CD244: variants seen among roughly 807,000 people sequenced by gnomAD.
CD244 encodes the protein natural killer cell receptor 2B4.
In CD244, 20 loss-of-function variants were observed where a neutral mutation model predicts 45.5. The ratio of observed to expected loss-of-function variants is 0.44; its 90% CI spans 0.31 to 0.64. The LOEUF (loss-of-function observed/expected upper bound fraction) is 0.64, where lower values mean the gene tolerates loss of function less well. Ranked by LOEUF, CD244 falls within the 30% of genes least tolerant of loss-of-function variation. CD244 has a pLI of 0.08. For missense variants in CD244, 407 were observed against 426.9 expected, an observed-to-expected ratio of 0.95 and a Z score of 0.41; for synonymous variants, 185 against 160.5, an observed-to-expected ratio of 1.15 and a Z score of -1.15.
intron 1 of CD244, chr1:160,848,450 A>G (rs1189912764): frequency 1.8e-6 from 1 of 548,754 alleles, no homozygotes; most frequent in South Asian, 1.4e-5. Context: ...CTTTGGGTCC[A>G]GGAATGGCAA....
At chr1:160,849,379 C>CACCT (rs1669844529) in intron 1 of CD244, among the ~76,000 whole-genome samples, 1 of 149,478 alleles carries the variant, frequency 6.7e-6, no homozygotes, top group Non-Finnish European at 1.5e-5. Context: ...TGGTTTGCTG[C>CACCT]ACCTATCAAC....
At position 160,836,153 on chromosome 1, in the gene CD244, C is replaced by T. The variant is rs753178399; in HGVS notation, c.894+42G>A. The T allele has an allele frequency of 8.7e-6, 13 of 1,488,950 alleles. No homozygotes were observed. The South Asian group carries it at 1.5e-4, about 17-fold the overall frequency. The allele number at this position is 1,488,950 out of a possible 1,614,324, so 92.2% of individuals were successfully genotyped here. On this transcript the variant is annotated intron_variant, in intron 6 of 8. Coordinates refer to ENST00000368034, the MANE Select transcript of CD244 (RefSeq NM_016382.4). The stretch of plus-strand genomic sequence containing the variant: ...GTTTCAGGGGGGCATTAGGAAACCC[C>T]AGAGATAGGTATGGAATGGACTAGA...
At chr1:160,834,730 G>T (rs974722782) in intron 6 of CD244, among the ~76,000 whole-genome samples, 1 of 152,176 alleles carries the variant, frequency 6.6e-6, no homozygotes, top group African/African-American at 2.4e-5. Context: ...GCTCCAAAAG[G>T]ATAAATAGCC....
In CD244 at chr1:160,841,228, A is replaced by G; in HGVS notation, c.637T>C (p.Cys213Arg). The change falls in exon 3 of 9, where the codon TGT becomes CGT. Residue 213 changes from cysteine (C) to arginine (R), a missense_variant. Cys to Arg is a radical substitution (Grantham distance 180). Coordinates refer to ENST00000368034, the MANE Select transcript of CD244 (RefSeq NM_016382.4). ...CACTTACCCTGATGGGCATTCTGAC[A>G]GTCCTGAGTGAGATTCAGGGTGTGG... ...ESHTLNLTQD[C>R]QNAHQEFRFW... 1.2e-6 allele frequency: 2 copies of G among 1,614,196 alleles called. No homozygotes were observed. The highest frequency in any genetic ancestry group is 2.7e-5 in the African/African-American group (2 of 75,056).
At chr1:160,851,744 T>C (rs1669927197) in intron 1 of CD244, among the ~76,000 whole-genome samples, 1 of 152,226 alleles carries the variant, frequency 6.6e-6, no homozygotes, top group African/African-American at 2.4e-5. Flanking sequence ...AGTTTCACCA[T>C]GTTGCCAAGG....
At chr1:160,839,494 GA>G (rs959081485) in intron 3 of CD244, among the ~76,000 whole-genome samples, 6 of 152,212 alleles carry the variant, frequency 3.9e-5, no homozygotes, top group African/African-American at 1.2e-4. Context: ...AATATTCAGG[GA>G]AAAAAAATGC....
chr1:160,838,598 C>T (rs372534026), intron 4 of CD244, 80 bp from the exon 5 acceptor site: 61 of 960,232 alleles, frequency 6.4e-5, no homozygotes, highest in East Asian at 5.2e-4. Flanking sequence ...CCACCTCTAC[C>T]CCAAATGGCC....
intron 1 of CD244, among the ~76,000 whole-genome samples, chr1:160,848,692 C>G (rs765442859): frequency 6.6e-6 from 1 of 152,116 alleles, no homozygotes; most frequent in East Asian, 1.9e-4. Flanking sequence ...GTTGGTCATG[C>G]CTATGAAGTG....
rs567630496 is a variant in CD244 at position 160,841,179 on chromosome 1, C to A, written c.655+31G>T. 1.9e-6 allele frequency: 3 copies of A among 1,609,378 alleles called. No individual in the cohort carries two copies. The East Asian group carries it at 6.7e-5, about 36-fold the overall frequency. On this transcript the variant is annotated intron_variant, in intron 3 of 8. Transcript: ENST00000368034. ...CTGGTTGCGGGGTCCAAACCTTCAG[C>A]GCTTGTTATAGCCCAGTGTGTTCCA...
rs1322990130 is a variant in CD244, at chr1:160,841,365, C to T, written c.500G>A (p.Gly167Glu). The T allele has an allele frequency of 1.9e-6, 3 of 1,614,044 alleles. No homozygotes were observed. The African/African-American group carries it at 4.0e-5, about 22-fold the overall frequency. ...DGNVSYAWYR[G>E]SKLIQTAGNL... is the part of the protein sequence containing the mutation. Reference sequence around the variant, plus strand: ...CCCTGCTGTCTGGATCAGCTTGCTCCCTCTGTACCAAGCATAGGACACATT... The same window carrying T: ...CCCTGCTGTCTGGATCAGCTTGCTCTCTCTGTACCAAGCATAGGACACATT... Residue 167 changes from glycine to glutamate, a missense_variant, in exon 3 of 9, where the codon GGG becomes GAG. Coordinates refer to ENST00000368034, the MANE Select transcript of CD244 (RefSeq NM_016382.4).
Position 160,841,723 on chromosome 1 carries a change from A to G in CD244, c.240T>C (p.Asn80=), listed in dbSNP as rs1239332685. ...TCTTGACTATAAAACTGAATCTATC[A>G]TTGGAAGTATTGGAAGGCAAAGAGC... The part of the protein sequence containing the change: ...ENGSLPSNTS[N]DRFSFIVKNL... The change falls in exon 2 of 9, where the codon AAT becomes AAC. Residue 80 remains asparagine, a synonymous_variant. Coordinates refer to ENST00000368034, the MANE Select transcript of CD244 (RefSeq NM_016382.4). The G allele has an allele frequency of 6.2e-7, 1 of 1,614,126 alleles. No homozygotes were observed. The highest frequency in any genetic ancestry group is 8.5e-7 in the Non-Finnish European group (1 of 1,180,038).
chr1:160,844,854 A>G (rs549947071), intron 1 of CD244, among the ~76,000 whole-genome samples: 1 of 152,304 alleles, frequency 6.6e-6, no homozygotes, highest in South Asian at 2.1e-4. Flanking sequence ...ACACACTTGT[A>G]ACCCCAGCTA....
chr1:160,839,632 A>C (rs1669462849), intron 3 of CD244, among the ~76,000 whole-genome samples: 1 of 152,222 alleles, frequency 6.6e-6, no homozygotes, highest in South Asian at 2.1e-4. Flanking sequence ...GACTTAAGTA[A>C]GGTATACAGA....
intron 1 of CD244, among the ~76,000 whole-genome samples, chr1:160,845,486 A>G (rs1416369982): frequency 6.6e-6 from 1 of 152,226 alleles, no homozygotes; most frequent in African/African-American, 2.4e-5. Flanking sequence ...GAGATAAAAG[A>G]TAAGAATTTC....
At chr1:160,839,207 T>C in intron 3 of CD244, 158 bp from the exon 4 acceptor site, 1 of 596,654 alleles carries the variant, frequency 1.7e-6, no homozygotes, top group African/African-American at 1.9e-5. Context: ...TTCTCTTTGC[T>C]CATTTGGTTA....
At chr1:160,836,742 A>G (rs1669347750) in intron 5 of CD244, among the ~76,000 whole-genome samples, 1 of 152,180 alleles carries the variant, frequency 6.6e-6, no homozygotes, top group Non-Finnish European at 1.5e-5. Flanking sequence ...CAAGGGCCAA[A>G]GCAGGAAGCA....
chr1:160,842,479 C>A (rs1669577806), intron 1 of CD244, among the ~76,000 whole-genome samples: 1 of 152,006 alleles, frequency 6.6e-6, no homozygotes, highest in South Asian at 2.1e-4. Context: ...GCTATAAATA[C>A]CACATCTAAG....
At chr1:160,844,762 G>T (rs949395346) in intron 1 of CD244, among the ~76,000 whole-genome samples, 5 of 152,242 alleles carry the variant, frequency 3.3e-5, no homozygotes, top group African/African-American at 1.2e-4. Context: ...ATCACTCAAG[G>T]TCGGGAGTTC....
rs572601561 is a variant in CD244, at chr1:160,848,378, G to C, written c.62-6477C>G. Reference sequence around the variant, plus strand: ...CATTGCCGAGACTGAATGGATGGATGGCAAGCGTGTGGTATTTGGCAAGTT... The same window carrying C: ...CATTGCCGAGACTGAATGGATGGATCGCAAGCGTGTGGTATTTGGCAAGTT... On this transcript the variant is annotated intron_variant, in intron 1 of 8. Transcript: ENST00000368034. The C allele has an allele frequency of 5.3e-6, 3 of 566,590 alleles. No individual in the cohort carries two copies. The East Asian group carries it at 1.4e-4, about 26-fold the overall frequency. 35.1% of individuals were successfully genotyped at this position (566,590 alleles called of 1,614,324 possible). A position where few individuals can be genotyped will look rare whatever the true frequency, so the allele number is the denominator to read the frequency against.
Sources: gnomAD v4.1 joint callset for allele counts (sites outside exome capture counted in the v4.1 genomes callset) on GRCh38, gnomAD v4.1.1 for gene constraint, MANE v1.5 for transcripts, NCBI Gene and HGNC (gene_info 2026-07-23, HGNC 2026-07-21) for gene names.